Variants in TAFA1 observed in about 807,000 individuals in gnomAD.
The protein encoded by TAFA1 is TAFA chemokine like family member 1.
Under a neutral mutation model 18.5 loss-of-function variants are expected in TAFA1, and 4 were observed. The observed-to-expected ratio is 0.22, with a 90% CI of 0.11 to 0.49. TAFA1 has a LOEUF of 0.49. Among genes scored for constraint, TAFA1 ranks in the 20% least tolerant of loss-of-function variants. The pLI, the probability that TAFA1 is intolerant of heterozygous loss-of-function variation, is 0.98. For missense variants in TAFA1, 147 were observed against 169.0 expected, an observed-to-expected ratio of 0.87 and a Z score of 0.72; for synonymous variants, 56 against 55.2, an observed-to-expected ratio of 1.01 and a Z score of -0.06.
intron 2 of TAFA1, among the ~76,000 whole-genome samples, chr3:68,287,921 G>GGC (rs2068042448): frequency 1.1e-5 from 1 of 95,154 alleles, no homozygotes; most frequent in Non-Finnish European, 2.3e-5. Flanking sequence ...GGGTGGGGGG[G>GGC]CTTTTTGAAA....
At chr3:68,292,918 C>G in intron 2 of TAFA1, among the ~76,000 whole-genome samples, 1 of 152,186 alleles carries the variant, frequency 6.6e-6, no homozygotes, top group East Asian at 1.9e-4. Flanking sequence ...CTTCCTTATT[C>G]TTATCCACAG....
intron 2 of TAFA1, among the ~76,000 whole-genome samples, chr3:68,056,352 C>A (rs2064536835): frequency 1.3e-5 from 2 of 152,106 alleles, no homozygotes; most frequent in Admixed American, 1.3e-4. Flanking sequence ...AAGTTCTAGG[C>A]AAATTTGAAA....
the TAFA1 span, among the ~76,000 whole-genome samples, chr3:67,993,580 C>G: frequency 6.6e-6 from 1 of 152,148 alleles, no homozygotes; most frequent in African/African-American, 2.4e-5. Context: ...TGTGCAATAC[C>G]ATACTACAGG....
chr3:68,001,570 G>T (rs1385132078), upstream of TAFA1, among the ~76,000 whole-genome samples: 1 of 146,948 alleles, frequency 6.8e-6, no homozygotes, highest in African/African-American at 2.5e-5. Context: ...GTTTTATTTT[G>T]TTGTTGTTGT....
At chr3:68,471,740 G>A (rs1559683253) in intron 3 of TAFA1, among the ~76,000 whole-genome samples, 3 of 152,150 alleles carry the variant, frequency 2.0e-5, no homozygotes, top group Non-Finnish European at 2.9e-5. Context: ...AATCTCCTTT[G>A]GTGACACCCT....
chr3:68,120,159 TTCTCTTTCTTTC>T, intron 2 of TAFA1, among the ~76,000 whole-genome samples: 1 of 146,958 alleles, frequency 6.8e-6, no homozygotes, highest in Non-Finnish European at 1.5e-5. Context: ...CTTTCTTTCT[TTCTCTTTCTTTC>T]TCTTTCTTTC....
In TAFA1 at chr3:68,119,052, GT is replaced by G. The variant is rs899543761; in HGVS notation, c.118+112318del. On this transcript the variant is annotated intron_variant, in intron 2 of 4. Transcript: ENST00000478136. ...CCAAAACTTATTTTCTTTTTTTTGG[GT>G]TTTTTTTTTGATAGTAGCCATACAT... Among the ~76,000 whole-genome samples the G allele has an allele frequency of 2.9e-3, 430 of 145,882 alleles. 3 individuals are homozygous for G. Among genetic ancestry groups the G allele is most frequent in the African/African-American group, 9.1e-3 (365 of 39,956 alleles).
intron 3 of TAFA1, among the ~76,000 whole-genome samples, chr3:68,516,998 T>C (rs1021579403): frequency 1.3e-5 from 2 of 152,154 alleles, no homozygotes; most frequent in Admixed American, 1.3e-4. Context: ...GGTCTCAAAC[T>C]CCTGACCTCA....
chr3:68,465,782 C>T (rs2071875825), intron 3 of TAFA1, among the ~76,000 whole-genome samples: 1 of 152,144 alleles, frequency 6.6e-6, no homozygotes, highest in Non-Finnish European at 1.5e-5. Flanking sequence ...TATCCATTTG[C>T]TCTTAGTCAC....
intron 2 of TAFA1, among the ~76,000 whole-genome samples, chr3:68,384,696 C>T (rs968486223): frequency 6.6e-5 from 10 of 151,992 alleles, no homozygotes; most frequent in Admixed American, 6.6e-4. Flanking sequence ...TGGTACAGTG[C>T]TGAGTTCAAG....
At chr3:68,236,029 T>C (rs992970956) in intron 2 of TAFA1, among the ~76,000 whole-genome samples, 1 of 152,162 alleles carries the variant, frequency 6.6e-6, no homozygotes, top group Non-Finnish European at 1.5e-5. Context: ...CATCTGCAAC[T>C]GGAAGTCGCA....
chr3:68,249,011 C>T (rs2067139800), intron 2 of TAFA1, among the ~76,000 whole-genome samples: 1 of 152,028 alleles, frequency 6.6e-6, no homozygotes, highest in African/African-American at 2.4e-5. Flanking sequence ...CTAATAAAAC[C>T]ACAGATCTTA....
In TAFA1 at chr3:68,140,417, G is replaced by A. The variant is rs1297640354; in HGVS notation, c.118+133673G>A. ...AGATTAAGCTACTGCATTTTCCAAT[G>A]AGGAATCATACGTTTTCCTCCTCAG... On this transcript the variant is annotated intron_variant, in intron 2 of 4. Coordinates refer to ENST00000478136, the MANE Select transcript of TAFA1 (RefSeq NM_213609.4). Among the ~76,000 whole-genome samples the A allele has an allele frequency of 2.0e-5, 3 of 152,220 alleles. No homozygotes were observed. In the East Asian group the frequency reaches 5.8e-4, roughly 29 times the overall value.
intron 2 of TAFA1, among the ~76,000 whole-genome samples, chr3:68,284,492 A>G (rs72926557): frequency 0.039 from 5,872 of 152,316 alleles, 334 homozygotes; most frequent in East Asian, 0.13. Context: ...CTAAACATGC[A>G]TCTTCAAAAA....
At chr3:68,037,961 A>G (rs1417793899) in intron 2 of TAFA1, among the ~76,000 whole-genome samples, 1 of 152,180 alleles carries the variant, frequency 6.6e-6, no homozygotes, top group Non-Finnish European at 1.5e-5. Context: ...AAGAAAGACA[A>G]AGAAAGCCAC....
chr3:68,358,684 A>G (rs541612669), intron 2 of TAFA1, among the ~76,000 whole-genome samples: 1 of 151,868 alleles, frequency 6.6e-6, no homozygotes, highest in Non-Finnish European at 1.5e-5. Flanking sequence ...CCTCAGATGG[A>G]GTTTTTGCTG....
Position 68,195,468 on chromosome 3 carries a change from A to C in TAFA1, c.118+188724A>C, listed in dbSNP as rs144353171. ...TATGACCATTCTGTCTCTAAACATC[A>C]GTACCTCTAGACCACTGGTTCTAAA... On this transcript the variant is annotated intron_variant, in intron 2 of 4. Coordinates refer to ENST00000478136, the MANE Select transcript of TAFA1 (RefSeq NM_213609.4). Among the ~76,000 whole-genome samples, 353 of 150,838 alleles carry C rather than the reference A, an allele frequency of 2.3e-3. 1 individual carries two copies. The highest frequency in any genetic ancestry group is 8.1e-3 in the African/African-American group (332 of 41,114).
At chr3:68,434,362 A>G (rs921016476) in intron 3 of TAFA1, among the ~76,000 whole-genome samples, 1 of 152,074 alleles carries the variant, frequency 6.6e-6, no homozygotes, top group Non-Finnish European at 1.5e-5. Flanking sequence ...AGCTTGTTAC[A>G]AGCAGTAGAA....
At chr3:68,164,265 AT>A (rs370933055) in intron 2 of TAFA1, among the ~76,000 whole-genome samples, 6 of 152,132 alleles carry the variant, frequency 3.9e-5, no homozygotes, top group African/African-American at 4.8e-5. Flanking sequence ...TCTGAATGGT[AT>A]TTTTTCAAAC....
Sources: allele counts gnomAD v4.1 joint callset (sites outside exome capture counted in the v4.1 genomes callset), GRCh38; gene constraint gnomAD v4.1.1; transcripts MANE v1.5; gene names NCBI Gene and HGNC (gene_info 2026-07-23, HGNC 2026-07-21).